Variants in PAPOLG observed in about 807,000 individuals in gnomAD.
The protein encoded by PAPOLG is poly(A) polymerase gamma.
A neutral mutation model predicts 99.0 loss-of-function variants in PAPOLG; 40 were observed. The ratio of observed to expected loss-of-function variants is 0.40; its 90% CI spans 0.31 to 0.53. PAPOLG has a LOEUF of 0.53. Among genes scored for constraint, PAPOLG ranks in the 20% least tolerant of loss-of-function variants. The pLI, the probability that PAPOLG is intolerant of heterozygous loss-of-function variation, is 0.41. For missense variants in PAPOLG, 675 were observed against 884.1 expected, an observed-to-expected ratio of 0.76 and a Z score of 3.00; for synonymous variants, 310 against 299.3, an observed-to-expected ratio of 1.04 and a Z score of -0.37.
intron 7 of PAPOLG, among the ~76,000 whole-genome samples, chr2:60,772,294 A>C (rs1670875969): frequency 6.6e-6 from 1 of 152,164 alleles, no homozygotes; most frequent in Non-Finnish European, 1.5e-5. Flanking sequence ...AAAATAAAAA[A>C]CATTTAGTTG....
At chr2:60,792,431 T>G (rs1435771463) in intron 17 of PAPOLG, 142 bp downstream of exon 17, 2 of 808,048 alleles carry the variant, frequency 2.5e-6, no homozygotes, top group Non-Finnish European at 3.8e-6. Flanking sequence ...ATTTCTTGCT[T>G]AGAAATAACT....
intron 3 of PAPOLG, among the ~76,000 whole-genome samples, chr2:60,765,426 C>T (rs1236102744): frequency 6.9e-6 from 1 of 144,648 alleles, no homozygotes; most frequent in South Asian, 2.2e-4. Context: ...AAAAAAGTGA[C>T]GAGGTCTCAC....
chr2:60,764,083 A>G lies in PAPOLG; in HGVS notation c.246+2276A>G, dbSNP rs981109113. On this transcript the variant is annotated intron_variant, in intron 3 of 21. Transcript: ENST00000238714. ...CTCCCAGAGTGCTGGGATTACAGGC[A>G]TGAGCCACCATGCCCTGCCTCACAA... Among the ~76,000 whole-genome samples, 5 of 152,044 alleles carry G rather than the reference A, an allele frequency of 3.3e-5. No individual in the cohort carries two copies. In the East Asian group the frequency reaches 5.8e-4, roughly 18 times the overall value.
intron 7 of PAPOLG, among the ~76,000 whole-genome samples, chr2:60,772,016 T>C (rs183081745): frequency 3.3e-5 from 5 of 152,272 alleles, no homozygotes; most frequent in Non-Finnish European, 7.4e-5. Flanking sequence ...ATATAAACTT[T>C]TGTGTGTGAA....
Position 60,798,780 on chromosome 2 carries a change from G to A in PAPOLG, c.*1620G>A, listed in dbSNP as rs1671786188. The A allele has an allele frequency of 6.6e-6, 1 of 152,268 alleles. No homozygotes were observed. Among genetic ancestry groups the A allele is most frequent in the Non-Finnish European group, 1.5e-5 (1 of 68,038 alleles). 9.4% of individuals were successfully genotyped at this position (152,268 alleles called of 1,614,324 possible). On this transcript the variant is annotated 3_prime_UTR_variant, in exon 22 of 22. Coordinates refer to ENST00000238714, the MANE Select transcript of PAPOLG (RefSeq NM_022894.4). ...AATTGCCAGAGAGCCGTATCCTCCA[G>A]GTCCCACTCCTGTTCATTGCCCCTT...
At chr2:60,760,989 A>G (rs1670507251) in intron 2 of PAPOLG, among the ~76,000 whole-genome samples, 1 of 152,244 alleles carries the variant, frequency 6.6e-6, no homozygotes, top group Admixed American at 6.5e-5. Context: ...GATGGTGGCT[A>G]GAACCTGGAG....
chr2:60,792,266 C>A lies in PAPOLG; in HGVS notation c.1656C>A (p.Ser552Arg). Residue 552 changes from serine (S) to arginine (R), a missense_variant, in exon 17 of 22, where the codon AGC (serine) becomes AGA (arginine). By Grantham distance (110) the Ser-to-Arg change is moderately radical (BLOSUM62 -1). Transcript: ENST00000238714. ...PFNSPASKSD[S>R]PSVGETERNS... ...ATTCTCCAGCGTCCAAGTCTGATAGCCCTTCTGTAGGAGAAACAGAAAGGT... is the reference window on the plus strand; with the variant it reads ...ATTCTCCAGCGTCCAAGTCTGATAGACCTTCTGTAGGAGAAACAGAAAGGT... 1.2e-6 allele frequency: 2 copies of A among 1,606,214 alleles called. No individual in the cohort carries two copies. Among genetic ancestry groups the A allele is most frequent in the Non-Finnish European group, 1.7e-6 (2 of 1,178,024 alleles).
At chr2:60,780,551 C>T in intron 9 of PAPOLG, 156 bp from the exon 10 acceptor site, 1 of 235,258 alleles carries the variant, frequency 4.3e-6, no homozygotes, top group African/African-American at 2.3e-5. Flanking sequence ...ACTGGGATTA[C>T]AGGCATGAGC....
intron 16 of PAPOLG, 85 bp from the exon 17 acceptor site, chr2:60,792,044 T>G: frequency 6.8e-7 from 1 of 1,475,514 alleles, no homozygotes; most frequent in Non-Finnish European, 9.1e-7. Flanking sequence ...CAAGAGATAA[T>G]TTGCTTAAGT....
intron 17 of PAPOLG, 76 bp downstream of exon 17, chr2:60,792,365 C>G (rs1398093254): frequency 3.9e-6 from 5 of 1,284,404 alleles, no homozygotes; most frequent in Non-Finnish European, 5.5e-6. Flanking sequence ...TTTTCTATAC[C>G]TCTGCTACTG....
rs769901491 is a variant in PAPOLG, at chr2:60,756,467, AC to A, written c.-11del. The A allele has an allele frequency of 6.3e-7, 1 of 1,599,126 alleles. No homozygotes were observed. The highest frequency in any genetic ancestry group is 8.5e-7 in the Non-Finnish European group (1 of 1,172,248). On this transcript the variant is annotated 5_prime_UTR_variant, in exon 1 of 22. Transcript: ENST00000238714. ...CGATAAACACTCGCTGGAGAGGGAG[AC>A]GCAGGAAGCGATGAAAGAGATGTCT...
rs1220730809 is a variant in PAPOLG at position 60,782,020 on chromosome 2, C to A, written c.1027+15C>A. ...ATTTAAACAAGGTAAACATGTGGCC[C>A]TGTTGCCCTTTACATATTCCCACAA... On this transcript the variant is annotated intron_variant, in intron 11 of 21. Transcript: ENST00000238714. 5 of 1,611,758 alleles carry A rather than the reference C, an allele frequency of 3.1e-6. No homozygotes were observed. Among genetic ancestry groups the A allele is most frequent in the Non-Finnish European group, 4.2e-6 (5 of 1,178,162 alleles).
chr2:60,792,893 G>A (rs1472570189), intron 17 of PAPOLG, among the ~76,000 whole-genome samples: 2 of 151,592 alleles, frequency 1.3e-5, no homozygotes, highest in Admixed American at 6.5e-5. Flanking sequence ...AAAATTAACA[G>A]GGTGTGGTGG....
intron 2 of PAPOLG, 115 bp from the exon 3 acceptor site, chr2:60,761,626 A>G (rs1670523398): frequency 3.6e-6 from 3 of 833,490 alleles, no homozygotes; most frequent in Admixed American, 2.6e-5. Context: ...ATTATCACAT[A>G]TATGTTATGG....
intron 13 of PAPOLG, 56 bp from the exon 14 acceptor site, chr2:60,786,891 G>A (rs947600322): frequency 3.8e-6 from 6 of 1,565,768 alleles, no homozygotes; most frequent in Non-Finnish European, 4.3e-6. Context: ...TTACTTGAGT[G>A]TAGCTTTCAA....
intron 3 of PAPOLG, among the ~76,000 whole-genome samples, chr2:60,768,171 C>T (rs1670738827): frequency 6.6e-6 from 1 of 152,068 alleles, no homozygotes; most frequent in South Asian, 2.1e-4. Flanking sequence ...GGCACAATCT[C>T]GGCCGCTGCA....
intron 5 of PAPOLG, among the ~76,000 whole-genome samples, chr2:60,769,287 G>A (rs1036708443): frequency 4.6e-5 from 7 of 152,142 alleles, no homozygotes; most frequent in Admixed American, 3.9e-4. Flanking sequence ...TATGTGTAAG[G>A]TTCAGTTAGT....
At position 60,769,852 on chromosome 2, in the gene PAPOLG, A is replaced by G. The variant is rs149015031; in HGVS notation, c.439-606A>G. 1.2e-4 allele frequency among the ~76,000 whole-genome samples: 18 copies of G among 152,238 alleles called. No homozygotes were observed. The East Asian group carries it at 2.5e-3, about 21-fold the overall frequency. The stretch of plus-strand genomic sequence containing the variant: ...TGTGCCATGGTGGTTTGCTGCACCT[A>G]TCAACCCATTATCTAGGTTTTAAGA... On this transcript the variant is annotated intron_variant, in intron 5 of 21. Coordinates refer to ENST00000238714, the MANE Select transcript of PAPOLG (RefSeq NM_022894.4).
intron 1 of PAPOLG, among the ~76,000 whole-genome samples, chr2:60,759,325 C>T (rs1670452760): frequency 6.6e-6 from 1 of 151,574 alleles, no homozygotes; most frequent in Non-Finnish European, 1.5e-5. Flanking sequence ...CTGAGATCTC[C>T]CCAATGCACT....
Sources: allele counts gnomAD v4.1 joint callset (sites outside exome capture counted in the v4.1 genomes callset), GRCh38; gene constraint gnomAD v4.1.1; transcripts MANE v1.5; gene names NCBI Gene and HGNC (gene_info 2026-07-23, HGNC 2026-07-21).